Variants in DHRSX observed in about 807,000 individuals in gnomAD.
The protein encoded by DHRSX is polyprenol dehydrogenase.
Under a neutral mutation model 34.0 loss-of-function variants are expected in DHRSX, and 31 were observed. That is an observed-to-expected ratio of 0.91 (90% CI 0.69 to 1.23). The LOEUF (loss-of-function observed/expected upper bound fraction) is 1.23. DHRSX is among the 50% of genes most tolerant of loss of function. The probability of loss-of-function intolerance (pLI) is 0.00; values close to 1 mark genes in which losing one functional copy is unlikely to be tolerated. For synonymous variants in DHRSX, 201 were observed against 183.8 expected, an observed-to-expected ratio of 1.09 and a Z score of -0.76; for missense variants, 414 against 428.1, an observed-to-expected ratio of 0.97 and a Z score of 0.29.
At chrX:2,353,087 A>T (rs1274618156) in intron 3 of DHRSX, among the ~76,000 whole-genome samples, 1 of 152,160 alleles carries the variant, frequency 6.6e-6, no homozygotes, top group East Asian at 1.9e-4. Context: ...ACAAAAAAAA[A>T]TACAAATATT....
rs189420134 is a variant in DHRSX, at chrX:2,482,571, C to T, written c.109+18246G>A. ...TGAGCCATTGTGCCCGGTCTCATAC[C>T]ATTTTTGTATCATGAAACTTTATTA... On this transcript the variant is annotated intron_variant, in intron 1 of 6. Coordinates refer to ENST00000334651, the MANE Select transcript of DHRSX (RefSeq NM_145177.3). Among the ~76,000 whole-genome samples the T allele has an allele frequency of 5.3e-5, 8 of 152,242 alleles. No individual in the cohort carries two copies. The East Asian group carries it at 9.7e-4, about 18-fold the overall frequency.
rs754276642 is a variant in DHRSX, at chrX:2,489,679, C to T, written c.109+11138G>A. 36 of 1,612,514 alleles carry T rather than the reference C, an allele frequency of 2.2e-5. No homozygotes were observed. The Middle Eastern group carries it at 9.6e-4, about 43-fold the overall frequency. Reference sequence around the variant, plus strand: ...TCCCCCACCAGGAGACGCGGTTGCTCACCAGCATGCAGTGGGCCACGTTCT... The same window carrying T: ...TCCCCCACCAGGAGACGCGGTTGCTTACCAGCATGCAGTGGGCCACGTTCT... On this transcript the variant is annotated intron_variant, in intron 1 of 6. Transcript: ENST00000334651.
chrX:2,470,405 A>T (rs1001538644), intron 1 of DHRSX, among the ~76,000 whole-genome samples: 5 of 142,944 alleles, frequency 3.5e-5, no homozygotes, highest in African/African-American at 1.1e-4. Flanking sequence ...CTAAACAAAT[A>T]AAAAAAAAAC....
At chrX:2,274,018 T>C (rs929849793) in intron 4 of DHRSX, among the ~76,000 whole-genome samples, 1 of 152,108 alleles carries the variant, frequency 6.6e-6, no homozygotes, top group African/African-American at 2.4e-5. Flanking sequence ...TGCGAGTAAT[T>C]ACGTTTATTC....
At chrX:2,295,017 C>T (rs148277965) in intron 3 of DHRSX, among the ~76,000 whole-genome samples, 1,844 of 152,166 alleles carry the variant, frequency 0.012, 18 homozygotes, top group Middle Eastern at 0.037. Flanking sequence ...GACAGTGTGG[C>T]GATTCCTCAA....
intron 3 of DHRSX, among the ~76,000 whole-genome samples, chrX:2,395,332 G>A (rs1489069234): frequency 1.3e-5 from 2 of 152,158 alleles, no homozygotes; most frequent in African/African-American, 2.4e-5. Flanking sequence ...TCGGCCACTG[G>A]GGCCAGCCAG....
At chrX:2,488,438 G>A in intron 1 of DHRSX, 1 of 668,586 alleles carries the variant, frequency 1.5e-6, no homozygotes, top group Non-Finnish European at 2.4e-6. Flanking sequence ...GCCTCCCAAA[G>A]TGCTGCGATT....
At chrX:2,420,010 C>CT (rs1171572393) in intron 2 of DHRSX, among the ~76,000 whole-genome samples, 1 of 152,092 alleles carries the variant, frequency 6.6e-6, no homozygotes, top group Non-Finnish European at 1.5e-5. Context: ...TTGCAAGGCA[C>CT]TCAGGCTACA....
At chrX:2,249,450 G>C (rs1306711424) in intron 5 of DHRSX, among the ~76,000 whole-genome samples, 1 of 146,306 alleles carries the variant, frequency 6.8e-6, no homozygotes, top group Non-Finnish European at 1.5e-5. Context: ...TGCCCACCTC[G>C]GCCTCCCAAA....
At chrX:2,407,933 T>C (rs1365781997) in intron 3 of DHRSX, among the ~76,000 whole-genome samples, 1 of 151,890 alleles carries the variant, frequency 6.6e-6, no homozygotes, top group Non-Finnish European at 1.5e-5. Flanking sequence ...TGTATACAAA[T>C]GAAAAATAAA....
intron 1 of DHRSX, among the ~76,000 whole-genome samples, chrX:2,442,523 G>T (rs1007631270): frequency 6.6e-6 from 1 of 151,760 alleles, no homozygotes; most frequent in Non-Finnish European, 1.5e-5. Flanking sequence ...AGCCCAGTAC[G>T]TATGCAACAC....
At chrX:2,459,564 A>ATATG (rs2044371429) in intron 1 of DHRSX, among the ~76,000 whole-genome samples, 1 of 148,090 alleles carries the variant, frequency 6.8e-6, no homozygotes, top group South Asian at 2.1e-4. Context: ...ATATATATAT[A>ATATG]TATATATATA....
intron 3 of DHRSX, among the ~76,000 whole-genome samples, chrX:2,373,878 C>G (rs1011365184): frequency 6.6e-6 from 1 of 151,974 alleles, no homozygotes; most frequent in African/African-American, 2.4e-5. Flanking sequence ...GAGGGTTATC[C>G]AAAATAGGGC....
chrX:2,347,577 C>T (rs572576914), intron 3 of DHRSX, among the ~76,000 whole-genome samples: 8 of 152,222 alleles, frequency 5.3e-5, no homozygotes, highest in African/African-American at 1.7e-4. Context: ...ACCTGTAATC[C>T]CAGCTAATTA....
chrX:2,406,099 C>T (rs887219980), intron 3 of DHRSX, among the ~76,000 whole-genome samples: 30 of 152,114 alleles, frequency 2.0e-4, no homozygotes, highest in African/African-American at 7.2e-4. Context: ...CGAGACCAGC[C>T]TGGCCAACAT....
intron 1 of DHRSX, among the ~76,000 whole-genome samples, chrX:2,437,698 AGTGTGTGTGTGT>A (rs57675169): frequency 1.3e-3 from 129 of 98,824 alleles, no homozygotes; most frequent in South Asian, 2.5e-3. Flanking sequence ...AGAGAGAGAG[AGTGTGTGTGTGT>A]GTGTGTGTGT....
rs1239076076 is a variant in DHRSX at position 2,490,158 on chromosome X, G to C, written c.109+10659C>G. On this transcript the variant is annotated intron_variant, in intron 1 of 6. Coordinates refer to ENST00000334651, the MANE Select transcript of DHRSX (RefSeq NM_145177.3). The stretch of plus-strand genomic sequence containing the variant: ...ATGCCACACCAGGTGGCCTCGGCCA[G>C]CTCCTTCAGGATCACCTCCCGGACG... 5 of 1,613,968 alleles carry C rather than the reference G, an allele frequency of 3.1e-6. No individual in the cohort carries two copies. In the East Asian group the frequency reaches 1.1e-4, roughly 36 times the overall value.
intron 1 of DHRSX, among the ~76,000 whole-genome samples, chrX:2,457,872 TAAGA>T (rs2044330072): frequency 6.6e-6 from 1 of 150,424 alleles, no homozygotes; most frequent in Admixed American, 6.6e-5. Flanking sequence ...AGACGTTCCC[TAAGA>T]AAGCAGCCAA....
At chrX:2,479,395 C>T (rs759578704) in intron 1 of DHRSX, among the ~76,000 whole-genome samples, 5 of 151,186 alleles carry the variant, frequency 3.3e-5, no homozygotes, top group African/African-American at 9.7e-5. Flanking sequence ...AGAATGTGGC[C>T]AAGGGACCAC....
Sources: gnomAD v4.1 joint callset for allele counts (sites outside exome capture counted in the v4.1 genomes callset) on GRCh38, gnomAD v4.1.1 for gene constraint, MANE v1.5 for transcripts, NCBI Gene and HGNC (gene_info 2026-07-23, HGNC 2026-07-21) for gene names.